The following C8orf34 variants were observed in gnomAD, a reference collection of about 807,000 sequenced individuals.
The protein encoded by C8orf34 is chromosome 8 open reading frame 34.
A neutral mutation model predicts 68.3 loss-of-function variants in C8orf34; 65 were observed. The ratio of observed to expected loss-of-function variants is 0.95; its 90% CI spans 0.78 to 1.17. C8orf34 has a LOEUF of 1.17. Ranked by LOEUF, C8orf34 falls within the 50% of genes most tolerant of loss-of-function variation. The probability of loss-of-function intolerance (pLI) is 0.00; values close to 1 mark genes in which losing one functional copy is unlikely to be tolerated. For missense variants in C8orf34, 664 were observed against 655.4 expected, an observed-to-expected ratio of 1.01 and a Z score of -0.14; for synonymous variants, 244 against 241.2, an observed-to-expected ratio of 1.01 and a Z score of -0.11.
At chr8:68,640,590 C>T in intron 8 of C8orf34, 79 bp downstream of exon 8, 1 of 1,374,104 alleles carries the variant, frequency 7.3e-7, no homozygotes, top group Non-Finnish European at 1.0e-6. Flanking sequence ...AAAGATTGTA[C>T]TCTTCTGTGT....
chr8:68,622,521 A>G (rs1818417639), intron 7 of C8orf34, among the ~76,000 whole-genome samples: 1 of 152,212 alleles, frequency 6.6e-6, no homozygotes, highest in Non-Finnish European at 1.5e-5. Context: ...TGTTGCTTAT[A>G]TAGCAGTGTG....
At chr8:68,561,541 G>A (rs1359706364) in intron 7 of C8orf34, among the ~76,000 whole-genome samples, 1 of 152,154 alleles carries the variant, frequency 6.6e-6, no homozygotes, top group Non-Finnish European at 1.5e-5. Flanking sequence ...GGGATCTCCT[G>A]AGGTCAGTAG....
intron 7 of C8orf34, among the ~76,000 whole-genome samples, chr8:68,635,470 T>C (rs1003619297): frequency 3.9e-5 from 6 of 152,208 alleles, no homozygotes; most frequent in African/African-American, 1.2e-4. Context: ...AAGCAACTTT[T>C]AGTTCTAATT....
chr8:68,505,205 G>T (rs1813955348), intron 5 of C8orf34, among the ~76,000 whole-genome samples: 1 of 152,102 alleles, frequency 6.6e-6, no homozygotes, highest in Non-Finnish European at 1.5e-5. Flanking sequence ...GTTATGGTTT[G>T]TCTTTGAAAT....
intron 1 of C8orf34, among the ~76,000 whole-genome samples, chr8:68,367,939 A>G (rs13262050): frequency 7.5e-6 from 1 of 133,406 alleles, no homozygotes; most frequent in African/African-American, 2.9e-5. Context: ...AAAAAAAAAG[A>G]AAAAAGTACA....
intron 7 of C8orf34, among the ~76,000 whole-genome samples, chr8:68,578,642 C>CTATATATATATACATATATATATATA (rs1816974854): frequency 6.7e-6 from 1 of 148,720 alleles, no homozygotes; most frequent in African/African-American, 2.5e-5. Context: ...AGATTAAATA[C>CTATATATATATACATATATATATATA]TATATATATA....
At chr8:68,491,382 G>A (rs948095820) in intron 5 of C8orf34, among the ~76,000 whole-genome samples, 21 of 152,098 alleles carry the variant, frequency 1.4e-4, no homozygotes, top group Non-Finnish European at 2.6e-4. Context: ...TTACAGCTCT[G>A]TAGTTTCAAA....
intron 7 of C8orf34, among the ~76,000 whole-genome samples, chr8:68,616,354 G>C (rs575326238): frequency 5.3e-5 from 8 of 152,020 alleles, no homozygotes; most frequent in Non-Finnish European, 1.2e-4. Context: ...GTTTGCTCTT[G>C]CTTTTCTAGT....
chr8:68,464,105 A>G (rs916660542), intron 3 of C8orf34, among the ~76,000 whole-genome samples: 2 of 152,208 alleles, frequency 1.3e-5, no homozygotes, highest in South Asian at 2.1e-4. Flanking sequence ...CTCAGGATAC[A>G]AAATCAATGT....
chr8:68,727,723 G>C (rs1239843430), intron 10 of C8orf34, among the ~76,000 whole-genome samples: 1 of 152,214 alleles, frequency 6.6e-6, no homozygotes, highest in South Asian at 2.1e-4. Flanking sequence ...GCAAAGGCTT[G>C]GGGCTTCCAC....
At chr8:68,616,609 T>A (rs1818223493) in intron 7 of C8orf34, among the ~76,000 whole-genome samples, 2 of 152,118 alleles carry the variant, frequency 1.3e-5, no homozygotes, top group Admixed American at 6.6e-5. Context: ...TTTGAGTGAG[T>A]TTCTTAATCC....
intron 8 of C8orf34, among the ~76,000 whole-genome samples, chr8:68,655,560 T>C (rs1819487352): frequency 6.6e-6 from 1 of 152,180 alleles, no homozygotes; most frequent in African/African-American, 2.4e-5. Context: ...TATGGTACAA[T>C]GATGCTTTCT....
At chr8:68,396,324 T>C (rs1808705017) in intron 1 of C8orf34, among the ~76,000 whole-genome samples, 1 of 152,104 alleles carries the variant, frequency 6.6e-6, no homozygotes, top group Non-Finnish European at 1.5e-5. Context: ...TAATTATTAA[T>C]GATCATTATA....
chr8:68,706,495 A>G (rs1821170084), intron 8 of C8orf34, among the ~76,000 whole-genome samples: 1 of 151,790 alleles, frequency 6.6e-6, no homozygotes, highest in Non-Finnish European at 1.5e-5. Flanking sequence ...AGAAGAGGGA[A>G]ATGGAGATTT....
At chr8:68,621,049 A>G (rs1198495491) in intron 7 of C8orf34, among the ~76,000 whole-genome samples, 2 of 152,190 alleles carry the variant, frequency 1.3e-5, no homozygotes, top group Admixed American at 6.6e-5. Flanking sequence ...GGATCTGGAA[A>G]TCTATTCAAT....
intron 13 of C8orf34, 130 bp downstream of exon 13, chr8:68,816,075 A>G (rs1187634392): frequency 4.1e-6 from 6 of 1,447,834 alleles, no homozygotes; most frequent in Admixed American, 2.0e-5. Context: ...TTCTCCAAGT[A>G]TCCTGCATAA....
chr8:68,723,162 CTGTT>C (rs2129526533), intron 10 of C8orf34, among the ~76,000 whole-genome samples: 1 of 152,154 alleles, frequency 6.6e-6, no homozygotes, highest in Non-Finnish European at 1.5e-5. Context: ...CAGTTTATTC[CTGTT>C]TGTTAGATGT....
At chr8:68,410,669 G>A (rs1809405528) in intron 1 of C8orf34, among the ~76,000 whole-genome samples, 1 of 152,108 alleles carries the variant, frequency 6.6e-6, no homozygotes, top group Non-Finnish European at 1.5e-5. Flanking sequence ...TCAGTCATAG[G>A]CACCTGTCCT....
intron 8 of C8orf34, among the ~76,000 whole-genome samples, chr8:68,645,497 TG>T (rs1200643593): frequency 6.6e-6 from 1 of 152,184 alleles, no homozygotes; most frequent in Non-Finnish European, 1.5e-5. Flanking sequence ...GAGAAATCTC[TG>T]GTCCATCTTT....
Sources: gnomAD v4.1 joint callset for allele counts (sites outside exome capture counted in the v4.1 genomes callset) on GRCh38, gnomAD v4.1.1 for gene constraint, MANE v1.5 for transcripts, NCBI Gene and HGNC (gene_info 2026-07-23, HGNC 2026-07-21) for gene names.